KCNIP4: variants seen among roughly 807,000 people sequenced by gnomAD.
The protein encoded by KCNIP4 is Kv channel-interacting protein 4.
A neutral mutation model predicts 34.0 loss-of-function variants in KCNIP4; 12 were observed. That is an observed-to-expected ratio of 0.35 (90% confidence interval 0.23 to 0.57). The LOEUF (loss-of-function observed/expected upper bound fraction) is 0.57, where lower values mean the gene tolerates loss of function less well. KCNIP4 is among the 20% of genes least tolerant of loss of function. KCNIP4 has a pLI of 0.83. For missense variants in KCNIP4, 238 were observed against 311.7 expected (o/e 0.76, Z 1.78); for synonymous variants, 124 against 102.2 (o/e 1.21, Z -1.29).
At chr4:21,530,560 T>C (rs1223686211) in intron 1 of KCNIP4, among the ~76,000 whole-genome samples, 6 of 152,166 alleles carry the variant, frequency 3.9e-5, no homozygotes, top group Non-Finnish European at 8.8e-5. Context: ...TAATTGTTGA[T>C]ATAATATATT....
At chr4:21,522,781 T>C (rs574014132) in intron 1 of KCNIP4, among the ~76,000 whole-genome samples, 119 of 152,200 alleles carry the variant, frequency 7.8e-4, no homozygotes, top group Non-Finnish European at 1.3e-3. Flanking sequence ...AATCACAATA[T>C]GTATTTCATT....
At chr4:20,829,090 A>T (rs930763800) in intron 3 of KCNIP4, among the ~76,000 whole-genome samples, 7 of 152,132 alleles carry the variant, frequency 4.6e-5, no homozygotes, top group African/African-American at 1.7e-4. Context: ...CCATCTTTAA[A>T]CCATTGTGAA....
intron 5 of KCNIP4, 47 bp from the exon 6 acceptor site, chr4:20,734,782 CAAA>C: frequency 8.7e-7 from 1 of 1,153,712 alleles, no homozygotes; most frequent in Non-Finnish European, 1.2e-6. Context: ...TTTAAAAAAA[CAAA>C]AACAAAAAAA....
At chr4:21,112,998 GTCT>G (rs1749355572) in intron 1 of KCNIP4, among the ~76,000 whole-genome samples, 1 of 152,084 alleles carries the variant, frequency 6.6e-6, no homozygotes, top group Non-Finnish European at 1.5e-5. Context: ...TTAGTAGAAA[GTCT>G]TCTACACCTG....
chr4:20,735,976 C>T (rs11945467), intron 5 of KCNIP4, among the ~76,000 whole-genome samples: 94 of 152,322 alleles, frequency 6.2e-4, no homozygotes, highest in African/African-American at 2.2e-3. Flanking sequence ...CCCTTTCTCA[C>T]ATTCCTTCCT....
chr4:21,185,568 CCTGT>C (rs1215524432), intron 1 of KCNIP4, among the ~76,000 whole-genome samples: 1 of 151,780 alleles, frequency 6.6e-6, no homozygotes, highest in Non-Finnish European at 1.5e-5. Context: ...CGTGCTTTTG[CCTGT>C]CTTAGTTTAC....
intron 1 of KCNIP4, among the ~76,000 whole-genome samples, chr4:21,448,558 G>T (rs1728240834): frequency 6.6e-6 from 1 of 152,210 alleles, no homozygotes; most frequent in African/African-American, 2.4e-5. Flanking sequence ...AGAGAAGAAA[G>T]AAATAAGTTG....
chr4:21,233,328 C>A (rs1438081242), intron 1 of KCNIP4, among the ~76,000 whole-genome samples: 1 of 152,080 alleles, frequency 6.6e-6, no homozygotes, highest in South Asian at 2.1e-4. Flanking sequence ...ACCCACATCA[C>A]CTGAACACAA....
chr4:21,268,402 A>C (rs1761947834), intron 1 of KCNIP4, among the ~76,000 whole-genome samples: 1 of 152,184 alleles, frequency 6.6e-6, no homozygotes, highest in Non-Finnish European at 1.5e-5. Flanking sequence ...AATGTTTATA[A>C]ATATTTGTAT....
chr4:21,782,352 T>C (rs1719624635), intron 1 of KCNIP4, among the ~76,000 whole-genome samples: 1 of 152,184 alleles, frequency 6.6e-6, no homozygotes, highest in Non-Finnish European at 1.5e-5. Context: ...CCAGCAATCA[T>C]ACATCTAGGC....
intron 1 of KCNIP4, among the ~76,000 whole-genome samples, chr4:21,115,032 A>T (rs1749567936): frequency 6.6e-6 from 1 of 152,194 alleles, no homozygotes; most frequent in Non-Finnish European, 1.5e-5. Flanking sequence ...CCAGTCATCC[A>T]CATGGGTCCC....
intron 3 of KCNIP4, among the ~76,000 whole-genome samples, chr4:20,766,341 G>A (rs1241804558): frequency 2.0e-5 from 3 of 152,078 alleles, no homozygotes; most frequent in African/African-American, 7.2e-5. Flanking sequence ...GGCCAAGGTG[G>A]GTGGATCACC....
intron 3 of KCNIP4, among the ~76,000 whole-genome samples, chr4:20,789,543 A>C (rs969195396): frequency 6.6e-6 from 1 of 152,126 alleles, no homozygotes; most frequent in African/African-American, 2.4e-5. Flanking sequence ...GCCCTTGGGC[A>C]GTCCACTTCC....
chr4:21,744,679 G>A (rs894119744), intron 1 of KCNIP4, among the ~76,000 whole-genome samples: 21 of 152,142 alleles, frequency 1.4e-4, no homozygotes, highest in Admixed American at 3.3e-4. Flanking sequence ...CTTCTAATTG[G>A]TCAGTGTCCA....
At chr4:21,109,589 G>A (rs189594796) in intron 1 of KCNIP4, among the ~76,000 whole-genome samples, 8 of 152,280 alleles carry the variant, frequency 5.3e-5, no homozygotes, top group East Asian at 1.9e-4. Flanking sequence ...TTTGGCTCGC[G>A]CATGGTGCGC....
At chr4:21,569,049 C>G (rs1031351750) in intron 1 of KCNIP4, among the ~76,000 whole-genome samples, 1 of 151,796 alleles carries the variant, frequency 6.6e-6, no homozygotes, top group East Asian at 1.9e-4. Flanking sequence ...ATCAACCCTG[C>G]TGATGCCTTG....
chr4:20,928,680 T>C (rs1259463982), intron 1 of KCNIP4, among the ~76,000 whole-genome samples: 2 of 151,804 alleles, frequency 1.3e-5, no homozygotes, highest in Admixed American at 1.3e-4. Context: ...AAGAATTAGT[T>C]GTATGGATAG....
chr4:20,767,925 C>A (rs574803637), intron 3 of KCNIP4, among the ~76,000 whole-genome samples: 2 of 152,360 alleles, frequency 1.3e-5, no homozygotes, highest in African/African-American at 4.8e-5. Flanking sequence ...TTCACCAACT[C>A]TCACACCCAT....
chr4:20,816,021 G>C (rs1039594566), intron 3 of KCNIP4, among the ~76,000 whole-genome samples: 2 of 152,058 alleles, frequency 1.3e-5, no homozygotes, highest in African/African-American at 4.8e-5. Flanking sequence ...GGCCAAGGTG[G>C]ATGGATCATC....
Sources: allele counts gnomAD v4.1 joint callset (sites outside exome capture counted in the v4.1 genomes callset), GRCh38; gene constraint gnomAD v4.1.1; transcripts MANE v1.5; gene names NCBI Gene and HGNC (gene_info 2026-07-23, HGNC 2026-07-21).